CLTB: variants seen among roughly 807,000 people sequenced by gnomAD.
CLTB encodes the protein clathrin light chain B.
CLTB carries 10 observed loss-of-function variants against 30.5 expected under a neutral mutation model. The ratio of observed to expected loss-of-function variants is 0.33; its 90% CI spans 0.20 to 0.56. The LOEUF is 0.56. Ranked by LOEUF, CLTB falls within the 20% of genes least tolerant of loss-of-function variation. The pLI is 0.91. For missense variants in CLTB, 261 were observed against 308.3 expected (o/e 0.85, Z 1.15); for synonymous variants, 102 against 120.3 (o/e 0.85, Z 1.00).
chr5:176,400,556 G>A (rs1756766897), intron 2 of CLTB, among the ~76,000 whole-genome samples: 1 of 152,156 alleles, frequency 6.6e-6, no homozygotes, highest in Admixed American at 6.5e-5. Flanking sequence ...GCACCCTCTG[G>A]TCTGGCAAAG....
chr5:176,394,351 C>G (rs182676523), intron 5 of CLTB, among the ~76,000 whole-genome samples: 1 of 152,220 alleles, frequency 6.6e-6, no homozygotes, highest in South Asian at 2.1e-4. Flanking sequence ...AGGGTTTTCA[C>G]GAGACCCCCT....
chr5:176,410,189 A>G, intron 2 of CLTB, 68 bp downstream of exon 2: 2 of 1,340,056 alleles, frequency 1.5e-6, no homozygotes, highest in Admixed American at 1.7e-5. Flanking sequence ...GCCTACAACA[A>G]TGAGGCTTTA....
At chr5:176,402,057 C>A (rs1281845337) in intron 2 of CLTB, among the ~76,000 whole-genome samples, 1 of 152,196 alleles carries the variant, frequency 6.6e-6, no homozygotes, top group Non-Finnish European at 1.5e-5. Flanking sequence ...AATCCTAGCA[C>A]TTTGGGAGGC....
chr5:176,412,384 C>T (rs898836764), intron 1 of CLTB, among the ~76,000 whole-genome samples: 6 of 152,110 alleles, frequency 3.9e-5, no homozygotes, highest in Non-Finnish European at 8.8e-5. Flanking sequence ...TCCGTGTGTA[C>T]CCCCTTACCA....
At chr5:176,403,255 G>T (rs1357919686) in intron 2 of CLTB, among the ~76,000 whole-genome samples, 1 of 151,838 alleles carries the variant, frequency 6.6e-6, no homozygotes, top group African/African-American at 2.4e-5. Flanking sequence ...TTGCCATGTT[G>T]GCCAGACTTG....
At chr5:176,399,494 C>A (rs774676857) in intron 2 of CLTB, among the ~76,000 whole-genome samples, 1 of 152,212 alleles carries the variant, frequency 6.6e-6, no homozygotes, top group Non-Finnish European at 1.5e-5. Flanking sequence ...ATAATCCCAG[C>A]ACTTCGGGAG....
intron 1 of CLTB, among the ~76,000 whole-genome samples, chr5:176,415,489 T>C (rs1475320977): frequency 6.6e-6 from 1 of 151,978 alleles, no homozygotes; most frequent in South Asian, 2.1e-4. Flanking sequence ...TCAAGACCAG[T>C]CTGGGCAACA....
intron 3 of CLTB, 62 bp from the exon 4 acceptor site, chr5:176,397,780 C>A: frequency 1.3e-6 from 2 of 1,550,774 alleles, no homozygotes; most frequent in South Asian, 1.1e-5. Context: ...CCCGGCCGCG[C>A]TCCTCCCCTG....
chr5:176,415,937 G>A (rs538602938), intron 1 of CLTB, among the ~76,000 whole-genome samples: 3 of 152,216 alleles, frequency 2.0e-5, no homozygotes, highest in Non-Finnish European at 4.4e-5. Flanking sequence ...AGCTGGCCTG[G>A]GGATGAAATG....
Position 176,397,942 on chromosome 5 carries a change from G to C in CLTB, c.340C>G (p.Leu114Val). The C allele has an allele frequency of 6.2e-7, 1 of 1,613,798 alleles. No homozygotes were observed. The highest frequency in any genetic ancestry group is 1.1e-5 in the South Asian group (1 of 91,082). ...GCCCCGCCCTCACCCAGCTCTTGCA[G>C]CCGTTTCCTCTGCTCCTCTCGCCAC... The part of the protein sequence containing the change: ...RKWREEQRKR[L>V]QELDAASKVT... Residue 114 changes from leucine (L) to valine (V), a missense_variant, in exon 3 of 6, where the codon CTG becomes GTG. Transcript: ENST00000310418.
intron 2 of CLTB, among the ~76,000 whole-genome samples, chr5:176,409,287 A>T (rs1179291750): frequency 7.9e-6 from 1 of 126,370 alleles, no homozygotes; most frequent in Non-Finnish European, 1.6e-5. Context: ...ACATATTTTT[A>T]AAATTGAAAA....
chr5:176,401,277 G>A (rs1407644130), intron 2 of CLTB, among the ~76,000 whole-genome samples: 1 of 152,206 alleles, frequency 6.6e-6, no homozygotes, highest in Non-Finnish European at 1.5e-5. Context: ...TTATCCAGGT[G>A]CCCTATTTTA....
intron 2 of CLTB, among the ~76,000 whole-genome samples, chr5:176,403,332 G>C (rs1347270609): frequency 1.3e-5 from 2 of 152,016 alleles, no homozygotes; most frequent in East Asian, 3.9e-4. Flanking sequence ...TTACAGGCGT[G>C]AGCTACTGCG....
rs1756306371 is a variant in CLTB at position 176,392,643 on chromosome 5, C to T, written c.*131G>A. 4.7e-6 allele frequency: 5 copies of T among 1,068,424 alleles called. No homozygotes were observed. Among genetic ancestry groups the T allele is most frequent in the Admixed American group, 2.3e-5 (1 of 43,578 alleles). 66.2% of individuals were successfully genotyped at this position (1,068,424 alleles called of 1,614,324 possible). A position where few individuals can be genotyped will look rare whatever the true frequency, so the allele number is the denominator to read the frequency against. On this transcript the variant is annotated 3_prime_UTR_variant, in exon 6 of 6. Transcript: ENST00000310418. The surrounding 1 kb of genome is among the most constrained non-coding windows in gnomAD (Gnocchi z 5.2). ...GATGGGGTGAGGGCCCCCCTCCCAG[C>T]GCCTGGAGATGGGGAGGAGTGGAAT...
In CLTB at chr5:176,416,527, G is replaced by T. The variant is rs1757702572; in HGVS notation, c.-164C>A. On this transcript the variant is annotated 5_prime_UTR_variant, in exon 1 of 6. Transcript: ENST00000310418. Reference sequence around the variant, plus strand: ...CACTTCCTCTCCGCCACCGGGCCCGGCTGGCTGTCACTGCGGTGCGGGCGC... The same window carrying T: ...CACTTCCTCTCCGCCACCGGGCCCGTCTGGCTGTCACTGCGGTGCGGGCGC... 8.9e-6 allele frequency: 4 copies of T among 448,688 alleles called. No individual in the cohort carries two copies. The highest frequency in any genetic ancestry group is 2.1e-5 in the African/African-American group (1 of 47,438). 27.8% of individuals were successfully genotyped at this position (448,688 alleles called of 1,614,324 possible).
chr5:176,415,955 C>T (rs557109153), intron 1 of CLTB, among the ~76,000 whole-genome samples: 34 of 152,292 alleles, frequency 2.2e-4, no homozygotes, highest in African/African-American at 7.7e-4. Context: ...ATGTCATGAC[C>T]GAATTCCTGT....
chr5:176,400,191 CTA>C (rs1756747797), intron 2 of CLTB, among the ~76,000 whole-genome samples: 1 of 147,778 alleles, frequency 6.8e-6, no homozygotes, highest in Non-Finnish European at 1.5e-5. Context: ...AAGTGAGACT[CTA>C]TCTCAAAAAA....
At chr5:176,411,303 T>C (rs1013391384) in intron 1 of CLTB, among the ~76,000 whole-genome samples, 2 of 152,166 alleles carry the variant, frequency 1.3e-5, no homozygotes, top group Non-Finnish European at 2.9e-5. Context: ...AAACATGCAC[T>C]TACCTGTGCC....
chr5:176,399,768 T>C lies in CLTB; in HGVS notation c.235-1721A>G, dbSNP rs1192902905. On this transcript the variant is annotated intron_variant, in intron 2 of 5. Coordinates refer to ENST00000310418, the MANE Select transcript of CLTB (RefSeq NM_007097.5). Reference sequence around the variant, plus strand: ...AAATTAGCCAGGTGTAATGGCTGCTTAGGAGTCTGGGACTTGGGAGAATCG... The same window carrying C: ...AAATTAGCCAGGTGTAATGGCTGCTCAGGAGTCTGGGACTTGGGAGAATCG... Among the ~76,000 whole-genome samples, 4 of 149,456 alleles carry C rather than the reference T, an allele frequency of 2.7e-5. No homozygotes were observed. The East Asian group carries it at 7.9e-4, about 29-fold the overall frequency.
Sources: allele counts gnomAD v4.1 joint callset (sites outside exome capture counted in the v4.1 genomes callset), GRCh38; gene constraint gnomAD v4.1.1; non-coding constraint Gnocchi (gnomAD v3.1); transcripts MANE v1.5; gene names NCBI Gene and HGNC (gene_info 2026-07-23, HGNC 2026-07-21).